Variants in UBL3 observed in about 807,000 individuals in gnomAD.
UBL3 encodes ubiquitin-like protein 3.
UBL3 carries 6 observed loss-of-function variants against 18.4 expected under a neutral mutation model. The observed-to-expected ratio is 0.33, with a 90% CI of 0.18 to 0.64. The LOEUF (loss-of-function observed/expected upper bound fraction) is 0.64. Among genes scored for constraint, UBL3 ranks in the 30% least tolerant of loss-of-function variants. The probability of loss-of-function intolerance (pLI) is 0.76; values close to 1 mark genes in which losing one functional copy is unlikely to be tolerated. For synonymous variants in UBL3, 49 were observed against 46.6 expected (o/e 1.05, Z -0.21); for missense variants, 109 against 142.9 (o/e 0.76, Z 1.21).
At chr13:29,809,904 A>G (rs1206671375) in intron 1 of UBL3, among the ~76,000 whole-genome samples, 2 of 152,104 alleles carry the variant, frequency 1.3e-5, no homozygotes, top group Non-Finnish European at 2.9e-5. Context: ...ACAAATGACT[A>G]TATATTAATT....
intron 1 of UBL3, among the ~76,000 whole-genome samples, chr13:29,833,612 G>A (rs1162141428): frequency 6.6e-6 from 1 of 152,120 alleles, no homozygotes; most frequent in Non-Finnish European, 1.5e-5. Context: ...TTAGACTCCT[G>A]CATAAATGTC....
chr13:29,848,062 A>G (rs1397286532), intron 1 of UBL3, among the ~76,000 whole-genome samples: 3 of 152,208 alleles, frequency 2.0e-5, no homozygotes, highest in African/African-American at 7.2e-5. Context: ...AACCAAGGTC[A>G]AAATAAGCCA....
At chr13:29,843,720 T>C (rs965671447) in intron 1 of UBL3, among the ~76,000 whole-genome samples, 3 of 152,230 alleles carry the variant, frequency 2.0e-5, no homozygotes, top group Admixed American at 2.0e-4. Context: ...TCAATTAAAA[T>C]TCATTGTAAG....
chr13:29,774,951 G>T (rs143229315), intron 2 of UBL3, among the ~76,000 whole-genome samples: 1 of 152,080 alleles, frequency 6.6e-6, no homozygotes, highest in Non-Finnish European at 1.5e-5. Context: ...TTGTTAGGAG[G>T]CTAATGAGAT....
rs1878915119 is a variant in UBL3, at chr13:29,835,138, ATATATAT to A, written c.27+14367_27+14373del. On this transcript the variant is annotated intron_variant, in intron 1 of 4. Coordinates refer to ENST00000380680, the MANE Select transcript of UBL3 (RefSeq NM_007106.4). Reference sequence around the variant, plus strand: ...TATATATATATAAATATATATATATATATATATATATATATATATATATATATATATA... The same window carrying A: ...TATATATATATAAATATATATATATAATATATATATATATATATATATATA... Among the ~76,000 whole-genome samples the A allele has an allele frequency of 9.5e-4, 9 of 9,476 alleles. 1 individual carries two copies. The highest frequency in any genetic ancestry group is 2.4e-3 in the Admixed American group (2 of 830). 6.2% of individuals were successfully genotyped at this position (9,476 alleles called of 152,430 possible).
At chr13:29,814,668 G>A (rs1053806442) in intron 1 of UBL3, among the ~76,000 whole-genome samples, 3 of 152,230 alleles carry the variant, frequency 2.0e-5, no homozygotes, top group African/African-American at 7.2e-5. Context: ...ATAAGCTAAT[G>A]AGATAGACCA....
intron 1 of UBL3, among the ~76,000 whole-genome samples, chr13:29,813,802 T>C (rs1201386648): frequency 6.6e-6 from 1 of 152,030 alleles, no homozygotes; most frequent in Non-Finnish European, 1.5e-5. Flanking sequence ...TTCCTCAAAC[T>C]GCTACTTTTT....
In UBL3 at chr13:29,849,784, C is replaced by CCGT. The variant is rs993080564; in HGVS notation, c.-249_-247dup. The stretch of plus-strand genomic sequence containing the variant: ...ACTCCCGGGACAGCAGAGGCAGCCC[C>CCGT]CGTCGTCGTCGTCGTCGTCAACAGC... On this transcript the variant is annotated 5_prime_UTR_variant, in exon 1 of 5. Coordinates refer to ENST00000380680, the MANE Select transcript of UBL3 (RefSeq NM_007106.4). The CCGT allele has an allele frequency of 2.7e-4, 162 of 590,698 alleles. 1 individual carries two copies. The highest frequency in any genetic ancestry group is 8.8e-4 in the Middle Eastern group (2 of 2,282). The allele number at this position is 590,698 out of a possible 1,614,324, so 36.6% of individuals were successfully genotyped here. A position where few individuals can be genotyped will look rare whatever the true frequency, so the allele number is the denominator to read the frequency against.
At chr13:29,797,658 C>A (rs1877650073) in intron 1 of UBL3, among the ~76,000 whole-genome samples, 1 of 152,098 alleles carries the variant, frequency 6.6e-6, no homozygotes, top group Non-Finnish European at 1.5e-5. Context: ...CTGCAAAGAT[C>A]AAATAAAATA....
At chr13:29,831,628 G>T (rs1380316034) in intron 1 of UBL3, among the ~76,000 whole-genome samples, 1 of 149,528 alleles carries the variant, frequency 6.7e-6, no homozygotes, top group Non-Finnish European at 1.5e-5. Flanking sequence ...CTACAAGCTT[G>T]ATTATATGTC....
At chr13:29,783,276 T>G (rs1268693076) in intron 1 of UBL3, among the ~76,000 whole-genome samples, 2 of 152,220 alleles carry the variant, frequency 1.3e-5, no homozygotes, top group Non-Finnish European at 2.9e-5. Context: ...AAAGTAAAAT[T>G]AATTCTAAGT....
intron 1 of UBL3, among the ~76,000 whole-genome samples, chr13:29,782,991 C>A (rs935965458): frequency 2.0e-5 from 3 of 152,202 alleles, no homozygotes; most frequent in Non-Finnish European, 4.4e-5. Context: ...ACTAATATTT[C>A]TGTTTTTTCA....
At chr13:29,781,466 T>C (rs928701737) in intron 1 of UBL3, among the ~76,000 whole-genome samples, 2 of 152,182 alleles carry the variant, frequency 1.3e-5, no homozygotes, top group Admixed American at 6.5e-5. Flanking sequence ...AATAAACTAT[T>C]AATATTTTAA....
At chr13:29,835,143 T>TATATATAA (rs1878917039) in intron 1 of UBL3, among the ~76,000 whole-genome samples, 4 of 12,458 alleles carry the variant, frequency 3.2e-4, no homozygotes, top group Non-Finnish European at 5.9e-4. Flanking sequence ...TATATATATA[T>TATATATAA]ATATATATAT....
intron 1 of UBL3, among the ~76,000 whole-genome samples, chr13:29,810,064 T>C (rs540813085): frequency 4.7e-4 from 72 of 152,260 alleles, no homozygotes; most frequent in African/African-American, 1.7e-3. Flanking sequence ...AGGCCCACTG[T>C]ATATTTTAGG....
chr13:29,769,758 T>C (rs1876789760), intron 3 of UBL3, among the ~76,000 whole-genome samples: 1 of 152,122 alleles, frequency 6.6e-6, no homozygotes, highest in Middle Eastern at 3.4e-3. Flanking sequence ...GCTATAAAGG[T>C]TCTATTTTAA....
chr13:29,788,627 C>A (rs186410656), intron 1 of UBL3, among the ~76,000 whole-genome samples: 1 of 152,270 alleles, frequency 6.6e-6, no homozygotes, highest in South Asian at 2.1e-4. Context: ...TTAGGATTTA[C>A]ACAACTTTTG....
intron 1 of UBL3, among the ~76,000 whole-genome samples, chr13:29,835,125 A>AATATATATAT (rs59643985): frequency 3.0e-4 from 7 of 23,424 alleles, no homozygotes; most frequent in African/African-American, 7.1e-4. Context: ...TATATATATA[A>AATATATATAT]ATATATATAT....
intron 1 of UBL3, among the ~76,000 whole-genome samples, chr13:29,835,665 G>C (rs1878942565): frequency 2.1e-5 from 3 of 139,890 alleles, no homozygotes; most frequent in Admixed American, 1.6e-4. Flanking sequence ...TGAGGCAGGA[G>C]AATCACTCGA....
Sources: allele counts gnomAD v4.1 joint callset (sites outside exome capture counted in the v4.1 genomes callset), GRCh38; gene constraint gnomAD v4.1.1; transcripts MANE v1.5; gene names NCBI Gene and HGNC (gene_info 2026-07-23, HGNC 2026-07-21).